MALRD1: variants seen among roughly 807,000 people sequenced by gnomAD.
The protein encoded by MALRD1 is MAM and LDL-receptor class A domain-containing protein 1.
MALRD1 carries 247 observed loss-of-function variants against 242.1 expected under a neutral mutation model. The ratio of observed to expected loss-of-function variants is 1.02; its 90% CI spans 0.92 to 1.13. MALRD1 has a LOEUF of 1.13. Among genes scored for constraint, MALRD1 ranks in the 50% most tolerant of loss-of-function variants. MALRD1 has a pLI of 0.00. For missense variants in MALRD1, 2,989 were observed against 2,533.1 expected (o/e 1.18, Z -3.86); for synonymous variants, 995 against 866.6 (o/e 1.15, Z -2.60).
intron 21 of MALRD1, among the ~76,000 whole-genome samples, chr10:19,318,934 T>C (rs961645071): frequency 1.7e-4 from 26 of 151,006 alleles, no homozygotes; most frequent in African/African-American, 5.4e-4. Context: ...GGCAGGTATA[T>C]AGTTAAATAA....
At chr10:19,382,651 T>C (rs1312520228) in intron 26 of MALRD1, among the ~76,000 whole-genome samples, 2 of 152,088 alleles carry the variant, frequency 1.3e-5, no homozygotes, top group African/African-American at 2.4e-5. Context: ...GATCCGGGCT[T>C]TCTTCTTTAT....
At chr10:19,615,036 C>T (rs926165680) in intron 35 of MALRD1, among the ~76,000 whole-genome samples, 1 of 151,980 alleles carries the variant, frequency 6.6e-6, no homozygotes, top group Non-Finnish European at 1.5e-5. Flanking sequence ...TGTGAGATGA[C>T]TATAGTTAAC....
intron 24 of MALRD1, among the ~76,000 whole-genome samples, chr10:19,340,179 A>G (rs533834519): frequency 6.6e-6 from 1 of 152,278 alleles, no homozygotes; most frequent in South Asian, 2.1e-4. Context: ...CGGGTTACAT[A>G]AGATGTTTTG....
chr10:19,440,696 G>C (rs1834594088), intron 28 of MALRD1, among the ~76,000 whole-genome samples: 2 of 152,182 alleles, frequency 1.3e-5, no homozygotes, highest in African/African-American at 4.8e-5. Flanking sequence ...TCACTGCATA[G>C]TATTCCATGG....
chr10:19,389,630 G>A lies in MALRD1; in HGVS notation c.4845+21G>A, dbSNP rs1396100954. 3.9e-6 allele frequency: 6 copies of A among 1,543,788 alleles called. No homozygotes were observed. In the Admixed American group the frequency reaches 1.0e-4, roughly 26 times the overall value. ...TCAAGGTAGGAACATGGCCTGTGAT[G>A]CCTCTGAGCTTGTTTTGTTCTGTTT... is the stretch of plus-strand genomic sequence containing the variant. On this transcript the variant is annotated intron_variant, in intron 28 of 39. Coordinates refer to ENST00000454679, the MANE Select transcript of MALRD1 (RefSeq NM_001142308.3).
intron 14 of MALRD1, among the ~76,000 whole-genome samples, chr10:19,180,364 T>C (rs1835452769): frequency 6.6e-6 from 1 of 152,164 alleles, no homozygotes; most frequent in East Asian, 1.9e-4. Flanking sequence ...GAAAGTGTGA[T>C]CATTTCCCTC....
intron 38 of MALRD1, among the ~76,000 whole-genome samples, chr10:19,708,026 T>A (rs1358094701): frequency 2.5e-5 from 3 of 119,430 alleles, no homozygotes; most frequent in African/African-American, 7.9e-5. Context: ...AATTTTTATA[T>A]TTTCTCATTT....
At chr10:19,158,180 A>G (rs1288464073) in intron 12 of MALRD1, among the ~76,000 whole-genome samples, 2 of 152,136 alleles carry the variant, frequency 1.3e-5, no homozygotes, top group African/African-American at 4.8e-5. Context: ...GGGTACTAAT[A>G]TTTTCTGAGT....
At chr10:19,453,718 A>G (rs1835451967) in intron 29 of MALRD1, among the ~76,000 whole-genome samples, 1 of 152,008 alleles carries the variant, frequency 6.6e-6, no homozygotes, top group Non-Finnish European at 1.5e-5. Context: ...TCTACTAAAA[A>G]TAGAAAAATT....
chr10:19,642,706 T>C (rs1381321316), intron 36 of MALRD1, among the ~76,000 whole-genome samples: 1 of 152,182 alleles, frequency 6.6e-6, no homozygotes, highest in African/African-American at 2.4e-5. Flanking sequence ...GTAACATTCC[T>C]AGGAGAAGAT....
At chr10:19,368,022 A>T (rs1845180516) in intron 26 of MALRD1, among the ~76,000 whole-genome samples, 1 of 151,940 alleles carries the variant, frequency 6.6e-6, no homozygotes, top group Admixed American at 6.6e-5. Context: ...GCTTGGTTGG[A>T]TGGATAGTTT....
chr10:19,108,262 G>C (rs981813561), intron 5 of MALRD1, among the ~76,000 whole-genome samples: 3 of 151,784 alleles, frequency 2.0e-5, no homozygotes, highest in Admixed American at 1.3e-4. Flanking sequence ...TGTTCTACTA[G>C]TGTGTTACTG....
intron 31 of MALRD1, among the ~76,000 whole-genome samples, chr10:19,523,886 G>T (rs1379090927): frequency 6.6e-6 from 1 of 152,120 alleles, no homozygotes; most frequent in Non-Finnish European, 1.5e-5. Context: ...GCATTAAAAT[G>T]AGACATTCTG....
chr10:19,264,611 GC>G (rs1049284039), intron 19 of MALRD1, among the ~76,000 whole-genome samples: 1 of 151,838 alleles, frequency 6.6e-6, no homozygotes, highest in African/African-American at 2.4e-5. Flanking sequence ...CCACCACCAT[GC>G]CCAGCTAATT....
At chr10:19,554,771 A>AT (rs1364214836) in intron 32 of MALRD1, among the ~76,000 whole-genome samples, 3 of 151,994 alleles carry the variant, frequency 2.0e-5, no homozygotes, top group Non-Finnish European at 2.9e-5. Context: ...TATGCACCAC[A>AT]TTTTTTGTAC....
rs76950689 is a variant in MALRD1, at chr10:19,348,021, A to G, written c.4149+3A>G. The G allele has an allele frequency of 6.6e-5, 102 of 1,548,322 alleles. 1 individual carries two copies. Among genetic ancestry groups the G allele is most frequent in the East Asian group, 6.1e-4 (25 of 40,902 alleles). ...GTAAGAGAAGCAAAAACTGCAAGGT[A>G]TGGGGAAAATCGAACCAACCAACCA... On this transcript the variant is annotated splice_donor_region_variant and intron_variant, in intron 25 of 39. Transcript: ENST00000454679.
chr10:19,226,011 A>G (rs1324162712), intron 18 of MALRD1, among the ~76,000 whole-genome samples: 1 of 152,198 alleles, frequency 6.6e-6, no homozygotes, highest in African/African-American at 2.4e-5. Flanking sequence ...TAGATGTTTT[A>G]CGTGGATTCT....
At chr10:19,457,079 C>G (rs905822295) in intron 29 of MALRD1, among the ~76,000 whole-genome samples, 2 of 152,168 alleles carry the variant, frequency 1.3e-5, no homozygotes, top group Non-Finnish European at 2.9e-5. Flanking sequence ...ATTGCCATCA[C>G]TCATCAACAC....
At chr10:19,503,381 G>T (rs1233685767) in intron 31 of MALRD1, among the ~76,000 whole-genome samples, 2 of 152,176 alleles carry the variant, frequency 1.3e-5, no homozygotes, top group Non-Finnish European at 2.9e-5. Context: ...TGCACTTATT[G>T]TTATCAAGAT....
Sources: allele counts gnomAD v4.1 joint callset (sites outside exome capture counted in the v4.1 genomes callset), GRCh38; gene constraint gnomAD v4.1.1; transcripts MANE v1.5; gene names NCBI Gene and HGNC (gene_info 2026-07-23, HGNC 2026-07-21).